Variants in TENM3 observed in about 807,000 individuals in gnomAD.
The protein encoded by TENM3 is teneurin-3.
TENM3 carries 63 observed loss-of-function variants against 255.1 expected under a neutral mutation model. That is an observed-to-expected ratio of 0.25 (90% CI 0.20 to 0.30). The LOEUF is 0.30. Ranked by LOEUF, TENM3 falls within the 10% of genes least tolerant of loss-of-function variation. The pLI, the probability that TENM3 is intolerant of heterozygous loss-of-function variation, is 1.00. For missense variants in TENM3, 2,929 were observed against 3,461.1 expected, an observed-to-expected ratio of 0.85 and a Z score of 3.86; for synonymous variants, 1,306 against 1,322.3, an observed-to-expected ratio of 0.99 and a Z score of 0.27.
chr4:182,297,240 T>C (rs2150352516), intron 1 of TENM3, among the ~76,000 whole-genome samples: 1 of 152,302 alleles, frequency 6.6e-6, no homozygotes, highest in African/African-American at 2.4e-5. Flanking sequence ...TATCAGAGAC[T>C]GGTTCTGATT....
At chr4:181,757,617 G>T in the TENM3 span, among the ~76,000 whole-genome samples, 1 of 152,120 alleles carries the variant, frequency 6.6e-6, no homozygotes, top group African/African-American at 2.4e-5. Flanking sequence ...GCTGGTGTAC[G>T]CGACACAGTA....
chr4:181,664,503 A>G, the TENM3 span, among the ~76,000 whole-genome samples: 2 of 151,386 alleles, frequency 1.3e-5, no homozygotes, highest in Non-Finnish European at 3.0e-5. Flanking sequence ...AAAAAATAGA[A>G]TCTACTGCAG....
At chr4:181,736,961 T>C in the TENM3 span, among the ~76,000 whole-genome samples, 8 of 151,746 alleles carry the variant, frequency 5.3e-5, no homozygotes, top group Non-Finnish European at 1.0e-4. Context: ...CTTCCTGGGG[T>C]GGTGAGAGTC....
intron 1 of TENM3, among the ~76,000 whole-genome samples, chr4:182,293,870 G>C (rs1029716495): frequency 6.6e-6 from 1 of 152,082 alleles, no homozygotes; most frequent in Non-Finnish European, 1.5e-5. Context: ...TCGCACTGAG[G>C]TATGAATGAG....
the TENM3 span, among the ~76,000 whole-genome samples, chr4:181,857,561 A>C: frequency 0.071 from 8,378 of 117,684 alleles, 400 homozygotes; most frequent in Admixed American, 0.1. Context: ...CAAAAAAAAA[A>C]AAAAAAAAAA....
At chr4:181,728,278 A>C in the TENM3 span, among the ~76,000 whole-genome samples, 27 of 152,200 alleles carry the variant, frequency 1.8e-4, no homozygotes, top group Non-Finnish European at 1.9e-4. Flanking sequence ...AGAGGGTTCT[A>C]GGATCTCGCA....
chr4:182,400,800 A>G lies in TENM3; in HGVS notation c.511+53871A>G, dbSNP rs181502612. Among the ~76,000 whole-genome samples the G allele has an allele frequency of 6.6e-5, 10 of 152,290 alleles. No individual in the cohort carries two copies. In the East Asian group the frequency reaches 1.9e-3, roughly 29 times the overall value. ...TACTGAAAAGTTTTTTTTCCACTAT[A>G]AAATCACTGCTTCCTCTGAGAGATG... On this transcript the variant is annotated intron_variant, in intron 3 of 27. Transcript: ENST00000511685.
the TENM3 span, among the ~76,000 whole-genome samples, chr4:181,811,777 C>A: frequency 6.6e-6 from 1 of 152,206 alleles, no homozygotes; most frequent in Non-Finnish European, 1.5e-5. Flanking sequence ...TCAATTACCT[C>A]CACCTGGCCC....
intron 4 of TENM3, among the ~76,000 whole-genome samples, chr4:182,613,114 A>G (rs1167296526): frequency 6.6e-6 from 1 of 152,224 alleles, no homozygotes; most frequent in Non-Finnish European, 1.5e-5. Context: ...GCCATCAATA[A>G]TTAAATGAAT....
At chr4:182,515,530 GT>G (rs1241276632) in intron 3 of TENM3, among the ~76,000 whole-genome samples, 2 of 152,044 alleles carry the variant, frequency 1.3e-5, no homozygotes, top group Non-Finnish European at 2.9e-5. Context: ...GTAGTCTGTT[GT>G]ATATATATAT....
At chr4:181,501,424 G>C in the TENM3 span, among the ~76,000 whole-genome samples, 2 of 151,620 alleles carry the variant, frequency 1.3e-5, no homozygotes, top group East Asian at 3.9e-4. Flanking sequence ...TGTCGCCTGG[G>C]CTGGAGTGCA....
the TENM3 span, among the ~76,000 whole-genome samples, chr4:181,687,707 C>A: frequency 1.3e-5 from 2 of 152,212 alleles, no homozygotes; most frequent in Admixed American, 1.3e-4. Flanking sequence ...TCCCATGAAG[C>A]CATCACCTCT....
the TENM3 span, among the ~76,000 whole-genome samples, chr4:181,697,800 T>C: frequency 8.5e-5 from 13 of 152,256 alleles, no homozygotes; most frequent in Admixed American, 3.9e-4. Flanking sequence ...TAGCTGAATG[T>C]GTTAATTTCT....
intron 26 of TENM3, among the ~76,000 whole-genome samples, chr4:182,795,665 G>A (rs1766450350): frequency 6.6e-6 from 1 of 152,152 alleles, no homozygotes; most frequent in Admixed American, 6.5e-5. Flanking sequence ...TTATTTAAGG[G>A]GTGTTGACAG....
chr4:182,799,493 TCCATGCA>T lies in TENM3; in HGVS notation c.7345-102_7345-96del. The stretch of plus-strand genomic sequence containing the variant: ...CTGGTCAGGGAAGGACCCCGGGGCT[TCCATGCA>T]TGCCCCGGCGCTGCCCCCAGAGTCC... On this transcript the variant is annotated intron_variant, in intron 27 of 27. Coordinates refer to ENST00000511685, the MANE Select transcript of TENM3 (RefSeq NM_001080477.4). The surrounding 1 kb of genome is among the most constrained non-coding windows in gnomAD (Gnocchi z 4.2). 1 of 1,437,660 alleles carries T rather than the reference TCCATGCA, an allele frequency of 7.0e-7. No individual in the cohort carries two copies. The highest frequency in any genetic ancestry group is 9.2e-7 in the Non-Finnish European group (1 of 1,088,936). The allele number at this position is 1,437,660 out of a possible 1,614,324, so 89.1% of individuals were successfully genotyped here.
chr4:182,298,954 A>C (rs1002126734), intron 1 of TENM3, among the ~76,000 whole-genome samples: 6 of 132,392 alleles, frequency 4.5e-5, no homozygotes, highest in Admixed American at 8.8e-5. Context: ...ACTGCATTCC[A>C]GGCTTGGGCA....
chr4:182,052,017 G>T, the TENM3 span, among the ~76,000 whole-genome samples: 1 of 152,096 alleles, frequency 6.6e-6, no homozygotes, highest in South Asian at 2.1e-4. Context: ...CACCGCCTGG[G>T]GAGGGGGTAT....
chr4:182,038,020 A>AAAAC, the TENM3 span, among the ~76,000 whole-genome samples: 4 of 152,104 alleles, frequency 2.6e-5, no homozygotes, highest in African/African-American at 7.2e-5. Flanking sequence ...CTCTAATGAT[A>AAAAC]AAACAAACAA....
chr4:181,467,120 TATA>T, the TENM3 span, among the ~76,000 whole-genome samples: 3 of 57,050 alleles, frequency 5.3e-5, no homozygotes, highest in African/African-American at 1.8e-4. Context: ...TATATATATA[TATA>T]TATTTTTTTT....
Sources: allele counts gnomAD v4.1 joint callset (sites outside exome capture counted in the v4.1 genomes callset), GRCh38; gene constraint gnomAD v4.1.1; non-coding constraint Gnocchi (gnomAD v3.1); transcripts MANE v1.5; gene names NCBI Gene and HGNC (gene_info 2026-07-23, HGNC 2026-07-21).